ZC3HC1: variants seen among roughly 807,000 people sequenced by gnomAD.
ZC3HC1 encodes the protein zinc finger C3HC-type containing 1, also known as zinc finger C3HC-type protein 1.
Under a neutral mutation model 61.9 loss-of-function variants are expected in ZC3HC1, and 38 were observed. That is an observed-to-expected ratio of 0.61 (90% CI 0.47 to 0.81). ZC3HC1 has a LOEUF of 0.81. Ranked by LOEUF, ZC3HC1 falls within the 30% of genes least tolerant of loss-of-function variation. ZC3HC1 has a pLI of 0.00. For synonymous variants in ZC3HC1, 213 were observed against 229.9 expected (o/e 0.93, Z 0.67); for missense variants, 554 against 622.7 (o/e 0.89, Z 1.17).
Position 130,037,241 on chromosome 7 carries a change from C to G in ZC3HC1, c.493+2223G>C, listed in dbSNP as rs1383757064. Among the ~76,000 whole-genome samples, 6 of 152,154 alleles carry G rather than the reference C, an allele frequency of 3.9e-5. 1 individual carries two copies. Among genetic ancestry groups the G allele is most frequent in the African/African-American group, 1.4e-4 (6 of 41,428 alleles). On this transcript the variant is annotated intron_variant, in intron 4 of 9. Coordinates refer to ENST00000358303, the MANE Select transcript of ZC3HC1 (RefSeq NM_016478.5). ...GGCGGATCACTTGACGTCAGGAGTT[C>G]AAGACCAGCCTGGCCAACATGGTGA...
intron 5 of ZC3HC1, among the ~76,000 whole-genome samples, chr7:130,027,627 C>T (rs1421953290): frequency 2.0e-5 from 3 of 152,082 alleles, no homozygotes; most frequent in Non-Finnish European, 2.9e-5. Flanking sequence ...AAGCAATTCT[C>T]CTGCCTCAGC....
At chr7:130,030,147 G>A (rs1469969365) in intron 4 of ZC3HC1, among the ~76,000 whole-genome samples, 1 of 151,166 alleles carries the variant, frequency 6.6e-6, no homozygotes, top group African/African-American at 2.4e-5. Context: ...TTCCTAAAGA[G>A]GTCAGTCTAG....
At chr7:130,031,120 G>T (rs1465076980) in intron 4 of ZC3HC1, among the ~76,000 whole-genome samples, 2 of 151,332 alleles carry the variant, frequency 1.3e-5, no homozygotes, top group Non-Finnish European at 3.0e-5. Flanking sequence ...ACCTGAGGTC[G>T]GGAGTTTGAG....
chr7:130,024,311 C>T lies in ZC3HC1; in HGVS notation c.972G>A (p.Arg324=). 1 of 1,614,062 alleles carries T rather than the reference C, an allele frequency of 6.2e-7. No individual in the cohort carries two copies. Among genetic ancestry groups the T allele is most frequent in the Non-Finnish European group, 8.5e-7 (1 of 1,179,976 alleles). ...RLPLVPESPR[R]MMTRSQDATF... ...TGGCATCCTGGCTCCGGGTCATCAT[C>T]CTCCGAGGAGATTCAGGCACCAGAG... The change falls in exon 7 of 10, where the codon AGG becomes AGA. Residue 324 remains arginine, a synonymous_variant. Transcript: ENST00000358303.
intron 9 of ZC3HC1, among the ~76,000 whole-genome samples, chr7:130,019,345 G>A (rs1049055448): frequency 1.1e-4 from 17 of 152,062 alleles, no homozygotes; most frequent in Admixed American, 2.6e-4. Context: ...CACCACGCCC[G>A]GCCTGCACTG....
chr7:130,031,156 C>T (rs1794168418), intron 4 of ZC3HC1, among the ~76,000 whole-genome samples: 1 of 151,170 alleles, frequency 6.6e-6, no homozygotes, highest in Non-Finnish European at 1.5e-5. Flanking sequence ...ATGGAGAAAC[C>T]CCGTCTCTAC....
At chr7:130,041,179 T>C in intron 2 of ZC3HC1, 78 bp from the exon 3 acceptor site, 2 of 1,427,062 alleles carry the variant, frequency 1.4e-6, no homozygotes, top group Non-Finnish European at 1.9e-6. Context: ...TGTGTGTGTA[T>C]ACACATACTG....
chr7:130,032,018 G>T (rs963262293), intron 4 of ZC3HC1, among the ~76,000 whole-genome samples: 1 of 152,182 alleles, frequency 6.6e-6, no homozygotes, highest in African/African-American at 2.4e-5. Context: ...GAGGTCAGCA[G>T]TTCAAGACCA....
rs1793902273 is a variant in ZC3HC1, at chr7:130,026,226, G to GTCTGAGCCTA, written c.707_708insTAGGCTCAGA (p.Lys237ArgfsTer26). On this transcript the variant is annotated frameshift_variant, in exon 6 of 10. Coordinates refer to ENST00000358303, the MANE Select transcript of ZC3HC1 (RefSeq NM_016478.5). LOFTEE classifies it high-confidence loss of function. ...GGACTTGGATGTCTGAGCCTAATTT[G>GTCTGAGCCTA]ATTGTAGTTTTTCTCTCATCAGTTC... 1.2e-6 allele frequency: 2 copies of GTCTGAGCCTA among 1,614,006 alleles called. No homozygotes were observed. Among genetic ancestry groups the GTCTGAGCCTA allele is most frequent in the Non-Finnish European group, 1.7e-6 (2 of 1,180,010 alleles).
intron 5 of ZC3HC1, chr7:130,026,813 C>T (rs1456529504): frequency 2.6e-5 from 4 of 151,514 alleles, no homozygotes; most frequent in African/African-American, 9.7e-5. Context: ...ACTAAAAATA[C>T]AAAAAAATTG....
At chr7:130,020,914 A>AT (rs199512279) in intron 9 of ZC3HC1, among the ~76,000 whole-genome samples, 7 of 145,658 alleles carry the variant, frequency 4.8e-5, no homozygotes, top group Admixed American at 1.4e-4. Flanking sequence ...TTTTTATTTT[A>AT]TTTTTTTTTG....
chr7:130,026,133 C>T, intron 6 of ZC3HC1, 25 bp downstream of exon 6: 1 of 1,606,662 alleles, frequency 6.2e-7, no homozygotes, highest in Non-Finnish European at 8.5e-7. Flanking sequence ...TGGTTCATGT[C>T]TCCAGGCAAA....
chr7:130,040,087 G>A lies in ZC3HC1; in HGVS notation c.410-540C>T, dbSNP rs182538933. ...TCATAAAAGTCCTTTGTCACTCTTC[G>A]TCTAGAAGTATACATTTTGGAATAA... On this transcript the variant is annotated intron_variant, in intron 3 of 9. Coordinates refer to ENST00000358303, the MANE Select transcript of ZC3HC1 (RefSeq NM_016478.5). Among the ~76,000 whole-genome samples the A allele has an allele frequency of 2.3e-3, 328 of 141,864 alleles. 3 individuals are homozygous for A. Among genetic ancestry groups the A allele is most frequent in the African/African-American group, 7.4e-3 (284 of 38,374 alleles). 93.1% of individuals were successfully genotyped at this position (141,864 alleles called of 152,430 possible).
At chr7:130,043,234 A>G (rs1304969892) in intron 2 of ZC3HC1, among the ~76,000 whole-genome samples, 2 of 151,958 alleles carry the variant, frequency 1.3e-5, no homozygotes, top group African/African-American at 4.8e-5. Flanking sequence ...CTGAGATGGT[A>G]CCACTGCACT....
intron 4 of ZC3HC1, among the ~76,000 whole-genome samples, chr7:130,038,038 C>G (rs1794492988): frequency 6.6e-6 from 1 of 152,156 alleles, no homozygotes. Context: ...TCAAGCAATC[C>G]TCCTGTCTTG....
intron 2 of ZC3HC1, chr7:130,043,865 G>C (rs1389875049): frequency 2.2e-6 from 1 of 455,714 alleles, no homozygotes. Flanking sequence ...GCACATATAG[G>C]GGATTGATCA....
chr7:130,028,347 G>A (rs866038634), intron 5 of ZC3HC1, among the ~76,000 whole-genome samples: 1 of 151,730 alleles, frequency 6.6e-6, no homozygotes, highest in African/African-American at 2.4e-5. Context: ...TTTGAGAACG[G>A]CCTGACCAAT....
intron 2 of ZC3HC1, chr7:130,045,311 A>G (rs1018707785): frequency 1.4e-4 from 31 of 217,226 alleles, no homozygotes; most frequent in African/African-American, 6.6e-4. Context: ...ACTGTAAAAA[A>G]TTACCATGTA....
upstream of ZC3HC1, chr7:130,051,447 G>C (rs1795076436): frequency 1.3e-6 from 2 of 1,591,470 alleles, no homozygotes; most frequent in African/African-American, 2.7e-5. Context: ...TCCGCCTCTT[G>C]AGGCAGCCTG....
Sources: gnomAD v4.1 joint callset for allele counts (sites outside exome capture counted in the v4.1 genomes callset) on GRCh38, gnomAD v4.1.1 for gene constraint, MANE v1.5 for transcripts, NCBI Gene and HGNC (gene_info 2026-07-23, HGNC 2026-07-21) for gene names.